Variants in MYH11 observed in about 807,000 individuals in gnomAD.
MYH11 encodes the protein myosin-11.
MYH11 carries 80 observed loss-of-function variants against 246.6 expected under a neutral mutation model. That is an observed-to-expected ratio of 0.32 (90% CI 0.27 to 0.39). The LOEUF is 0.39. MYH11 is among the 10% of genes least tolerant of loss of function. MYH11 has a pLI of 1.00. For missense variants in MYH11, 2,158 were observed against 2,546.8 expected, an observed-to-expected ratio of 0.85 and a Z score of 3.29; for synonymous variants, 1,071 against 1,015.5, an observed-to-expected ratio of 1.05 and a Z score of -1.04.
Position 15,724,272 on chromosome 16 carries a change from C to T in MYH11, c.4254G>A (p.Leu1418=). The change falls in exon 31 of 41, where the codon CTG becomes CTA. Residue 1418 remains leucine, a synonymous_variant. Transcript: ENST00000300036. Reference sequence around the variant, plus strand: ...GCTGAAGCCTGTTCTTGGTCTTTTCCAGTTTATCATAAGCGGCCGCCTTCT... The same window carrying T: ...GCTGAAGCCTGTTCTTGGTCTTTTCTAGTTTATCATAAGCGGCCGCCTTCT... ...YEEKAAAYDK[L]EKTKNRLQQE... 1 of 1,614,188 alleles carries T rather than the reference C, an allele frequency of 6.2e-7. No individual in the cohort carries two copies. The highest frequency in any genetic ancestry group is 8.5e-7 in the Non-Finnish European group (1 of 1,180,034).
At chr16:15,733,908 C>T (rs1004523824) in intron 26 of MYH11, among the ~76,000 whole-genome samples, 1 of 152,208 alleles carries the variant, frequency 6.6e-6, no homozygotes, top group African/African-American at 2.4e-5. Context: ...GCTCTATGTG[C>T]ATGTGACACT....
intron 2 of MYH11, among the ~76,000 whole-genome samples, chr16:15,834,797 C>T (rs540166698): frequency 6.6e-6 from 1 of 152,066 alleles, no homozygotes; most frequent in African/African-American, 2.4e-5. Context: ...CGGCCAGGCA[C>T]AGTGGCTCAC....
chr16:15,825,607 T>C (rs907166659), intron 2 of MYH11, among the ~76,000 whole-genome samples: 1 of 152,050 alleles, frequency 6.6e-6, no homozygotes, highest in Non-Finnish European at 1.5e-5. Context: ...GGCACTGTTT[T>C]CTTTAAAATG....
At chr16:15,710,240 C>T (rs1309965021) in intron 40 of MYH11, among the ~76,000 whole-genome samples, 1 of 152,060 alleles carries the variant, frequency 6.6e-6, no homozygotes, top group East Asian at 1.9e-4. Context: ...ATCACTGGGC[C>T]GGCCGGGCAT....
intron 4 of MYH11, chr16:15,792,010 A>G (rs2042621730): frequency 6.6e-6 from 1 of 152,154 alleles, no homozygotes; most frequent in African/African-American, 2.4e-5. Flanking sequence ...ATGAGTGAAC[A>G]TTTATATAAA....
At chr16:15,842,066 C>T (rs2044066813) in intron 1 of MYH11, among the ~76,000 whole-genome samples, 1 of 152,088 alleles carries the variant, frequency 6.6e-6, no homozygotes, top group Non-Finnish European at 1.5e-5. Context: ...CCTTTCAGGG[C>T]TGAAAATAAT....
Position 15,721,638 on chromosome 16 carries a change from C to T in MYH11, c.4366-4G>A, listed in dbSNP as rs760252350. ...TGTTTTTCTCCTCGGCTAACAACTA[C>T]AACACAAGACCCAGAGGTGACTTCT... is the stretch of plus-strand genomic sequence containing the variant. On this transcript the variant is annotated splice_region_variant and splice_polypyrimidine_tract_variant and intron_variant, in intron 31 of 40. Transcript: ENST00000300036. 1.3e-5 allele frequency: 21 copies of T among 1,614,172 alleles called. No homozygotes were observed. The highest frequency in any genetic ancestry group is 3.3e-4 in the Middle Eastern group (2 of 6,062).
intron 3 of MYH11, among the ~76,000 whole-genome samples, chr16:15,813,918 GCTGAGGTGAGTGGATC>G (rs2043196955): frequency 6.6e-6 from 1 of 151,978 alleles, no homozygotes; most frequent in Non-Finnish European, 1.5e-5. Flanking sequence ...ACTTTGGGAG[GCTGAGGTGAGTGGATC>G]ACCTGAGGTC....
At position 15,813,192 on chromosome 16, in the gene MYH11, G is replaced by T. The variant is rs776838931; in HGVS notation, c.502+10063C>A. Among the ~76,000 whole-genome samples the T allele has an allele frequency of 1.5e-3, 221 of 151,004 alleles. 1 individual carries two copies. The highest frequency in any genetic ancestry group is 2.4e-3 in the Non-Finnish European group (165 of 67,696). ...CAAAACAAACAAACAAAAAACAGTTGTTTTTTTTTAATTAGCTGAGCATGG... is the reference window on the plus strand; with the variant it reads ...CAAAACAAACAAACAAAAAACAGTTTTTTTTTTTTAATTAGCTGAGCATGG... On this transcript the variant is annotated intron_variant, in intron 3 of 40. Transcript: ENST00000300036.
chr16:15,785,003 T>A, intron 5 of MYH11: 2 of 306,154 alleles, frequency 6.5e-6, no homozygotes, highest in Non-Finnish European at 1.1e-5. Context: ...CAGCTAATTC[T>A]CTTGATTTTT....
At chr16:15,771,502 A>C in intron 9 of MYH11, 67 bp downstream of exon 9, 6 of 1,569,212 alleles carry the variant, frequency 3.8e-6, no homozygotes, top group Non-Finnish European at 5.2e-6. Context: ...TGACCAGAGA[A>C]GAGTTCTTAA....
At chr16:15,816,289 C>G (rs984777038) in intron 3 of MYH11, among the ~76,000 whole-genome samples, 5 of 152,036 alleles carry the variant, frequency 3.3e-5, no homozygotes, top group Admixed American at 3.3e-4. Flanking sequence ...GTAGAGATCA[C>G]ATTCAAGGAG....
intron 10 of MYH11, among the ~76,000 whole-genome samples, chr16:15,762,855 C>A (rs560683291): frequency 6.6e-6 from 1 of 152,280 alleles, no homozygotes; most frequent in Admixed American, 6.5e-5. Flanking sequence ...TAAGCGGTTG[C>A]AACAGGTTTG....
At chr16:15,818,919 G>C (rs1195881880) in intron 3 of MYH11, among the ~76,000 whole-genome samples, 6 of 152,100 alleles carry the variant, frequency 3.9e-5, no homozygotes, top group Non-Finnish European at 8.8e-5. Context: ...TTACTCTGTT[G>C]CCAAGGCTGG....
At chr16:15,751,461 C>CCATCATCAT (rs377609666) in intron 15 of MYH11, among the ~76,000 whole-genome samples, 18 of 150,336 alleles carry the variant, frequency 1.2e-4, no homozygotes, top group East Asian at 5.9e-4. Context: ...CCGCGCCCGG[C>CCATCATCAT]CATCATCATC....
chr16:15,797,726 G>T (rs899133224), intron 4 of MYH11, among the ~76,000 whole-genome samples: 2 of 151,898 alleles, frequency 1.3e-5, no homozygotes, highest in Non-Finnish European at 2.9e-5. Context: ...GTGAACATGT[G>T]CAGAGTAAGG....
In MYH11 at chr16:15,703,784, T is replaced by C; in HGVS notation, c.*207A>G. On this transcript the variant is annotated 3_prime_UTR_variant, in exon 41 of 41. Transcript: ENST00000300036. ...TTAAATTCTTGTATAGATGAGGTTTTACTACGTTGCCCAGGCTGGAGGGTG... is the reference window on the plus strand; with the variant it reads ...TTAAATTCTTGTATAGATGAGGTTTCACTACGTTGCCCAGGCTGGAGGGTG... The C allele has an allele frequency of 1.5e-6, 1 of 671,740 alleles. No individual in the cohort carries two copies. Among genetic ancestry groups the C allele is most frequent in the Admixed American group, 2.5e-5 (1 of 40,794 alleles). The allele number at this position is 671,740 out of a possible 1,614,324, so 41.6% of individuals were successfully genotyped here.
At chr16:15,849,763 T>C (rs988986910) in intron 1 of MYH11, among the ~76,000 whole-genome samples, 3 of 152,184 alleles carry the variant, frequency 2.0e-5, no homozygotes, top group African/African-American at 7.2e-5. Flanking sequence ...GCTTCATTTT[T>C]TGAGCACAAA....
At chr16:15,770,521 T>C (rs762650710) in intron 9 of MYH11, among the ~76,000 whole-genome samples, 21 of 152,152 alleles carry the variant, frequency 1.4e-4, no homozygotes, top group Non-Finnish European at 2.8e-4. Context: ...TTCTTGGCCA[T>C]TGGTTGGATG....
Sources: allele counts gnomAD v4.1 joint callset (sites outside exome capture counted in the v4.1 genomes callset), GRCh38; gene constraint gnomAD v4.1.1; transcripts MANE v1.5; gene names NCBI Gene and HGNC (gene_info 2026-07-23, HGNC 2026-07-21).